Variants in PNPT1 observed in about 807,000 individuals in gnomAD.
PNPT1 encodes the protein polyribonucleotide nucleotidyltransferase 1, also known as polyribonucleotide nucleotidyltransferase 1, mitochondrial.
PNPT1 carries 53 observed loss-of-function variants against 119.5 expected under a neutral mutation model. That is an observed-to-expected ratio of 0.44 (90% CI 0.36 to 0.56). The LOEUF (loss-of-function observed/expected upper bound fraction) is 0.56. Ranked by LOEUF, PNPT1 falls within the 20% of genes least tolerant of loss-of-function variation. PNPT1 has a pLI of 0.00. For synonymous variants in PNPT1, 357 were observed against 322.1 expected (o/e 1.11, Z -1.16); for missense variants, 948 against 938.5 (o/e 1.01, Z -0.13).
chr2:55,687,586 TTTA>T, intron 2 of PNPT1, 56 bp downstream of exon 2: 1 of 1,263,994 alleles, frequency 7.9e-7, no homozygotes, highest in Admixed American at 2.4e-5. Flanking sequence ...TAGTTACACA[TTTA>T]GTATGAGTCT....
rs1340377146 is a variant in PNPT1, at chr2:55,635,072, A to T, written c.*1165T>A. On this transcript the variant is annotated 3_prime_UTR_variant, in exon 28 of 28. Coordinates refer to ENST00000447944, the MANE Select transcript of PNPT1 (RefSeq NM_033109.5). ...GTCCAGTGTATTTTTATAAGATTTT[A>T]AAAAAGATTACACATTCTAAATTAT... The T allele has an allele frequency of 2.0e-5, 3 of 152,126 alleles. No homozygotes were observed. Among genetic ancestry groups the T allele is most frequent in the Non-Finnish European group, 4.4e-5 (3 of 68,034 alleles). 9.4% of individuals were successfully genotyped at this position (152,126 alleles called of 1,614,324 possible).
At chr2:55,690,743 C>T (rs933854951) in intron 1 of PNPT1, among the ~76,000 whole-genome samples, 2 of 151,880 alleles carry the variant, frequency 1.3e-5, no homozygotes, top group African/African-American at 4.8e-5. Context: ...AGTTGGGTTT[C>T]TATTTATTCA....
At position 55,638,844 on chromosome 2, in the gene PNPT1, C is replaced by T. The variant is rs541902226; in HGVS notation, c.2149-1245G>A. Among the ~76,000 whole-genome samples the T allele has an allele frequency of 7.3e-5, 11 of 151,720 alleles. No homozygotes were observed. In the South Asian group the frequency reaches 1.5e-3, roughly 20 times the overall value. ...GGCTGGAGTACAGTAGCATGATATC[C>T]GCTCACTGCAACCTCTTCCTCCCAG... is the stretch of plus-strand genomic sequence containing the variant. On this transcript the variant is annotated intron_variant, in intron 26 of 27. Coordinates refer to ENST00000447944, the MANE Select transcript of PNPT1 (RefSeq NM_033109.5).
intron 11 of PNPT1, among the ~76,000 whole-genome samples, chr2:55,668,307 G>A (rs1696802320): frequency 6.6e-6 from 1 of 152,182 alleles, no homozygotes; most frequent in Admixed American, 6.5e-5. Flanking sequence ...CGCAATCTTG[G>A]CTCACTGCAA....
intron 15 of PNPT1, among the ~76,000 whole-genome samples, chr2:55,659,142 G>A (rs1259414108): frequency 3.3e-5 from 5 of 152,032 alleles, no homozygotes; most frequent in Admixed American, 6.6e-5. Context: ...TTCTTGTAGA[G>A]ACAGGATCTC....
At position 55,661,944 on chromosome 2, in the gene PNPT1, A is replaced by G; in HGVS notation, c.1247+12T>C. ...CATAAAACGTAACAAACATCTTAAA[A>G]ACATAACTTACTTTATAGCTGTTAT... On this transcript the variant is annotated intron_variant, in intron 14 of 27. Transcript: ENST00000447944. 1 of 1,547,880 alleles carries G rather than the reference A, an allele frequency of 6.5e-7. No individual in the cohort carries two copies. The highest frequency in any genetic ancestry group is 2.3e-5 in the East Asian group (1 of 42,938).
chr2:55,692,966 A>G (rs1006917178), intron 1 of PNPT1, among the ~76,000 whole-genome samples: 1 of 149,414 alleles, frequency 6.7e-6, no homozygotes, highest in African/African-American at 2.5e-5. Context: ...TCTCCCTGTC[A>G]CTGTCTCTCT....
intron 18 of PNPT1, among the ~76,000 whole-genome samples, chr2:55,650,318 T>C (rs910923287): frequency 6.6e-6 from 1 of 152,180 alleles, no homozygotes; most frequent in Admixed American, 6.5e-5. Flanking sequence ...GGTTTTCGTA[T>C]TTTTTTGGTG....
In PNPT1 at chr2:55,635,038, T is replaced by G. The variant is rs1163085416; in HGVS notation, c.*1199A>C. On this transcript the variant is annotated 3_prime_UTR_variant, in exon 28 of 28. Coordinates refer to ENST00000447944, the MANE Select transcript of PNPT1 (RefSeq NM_033109.5). Reference sequence around the variant, plus strand: ...CCAAGTAGCTGGGACTACAGGCACGTACCACTGAGTCCAGTGTATTTTTAT... The same window carrying G: ...CCAAGTAGCTGGGACTACAGGCACGGACCACTGAGTCCAGTGTATTTTTAT... The G allele has an allele frequency of 1.3e-5, 2 of 152,210 alleles. No individual in the cohort carries two copies. Among genetic ancestry groups the G allele is most frequent in the African/African-American group, 4.8e-5 (2 of 41,462 alleles). The allele number at this position is 152,210 out of a possible 1,614,324, so 9.4% of individuals were successfully genotyped here.
chr2:55,688,245 G>C (rs1697479057), intron 1 of PNPT1, among the ~76,000 whole-genome samples: 1 of 151,938 alleles, frequency 6.6e-6, no homozygotes, highest in African/African-American at 2.4e-5. Flanking sequence ...TTACTATATT[G>C]TTTAGGCTGG....
chr2:55,679,001 C>A (rs1025837674), intron 8 of PNPT1, among the ~76,000 whole-genome samples: 2 of 152,080 alleles, frequency 1.3e-5, no homozygotes, highest in Non-Finnish European at 2.9e-5. Context: ...TAGAATAAAC[C>A]AACAATAAAA....
intron 4 of PNPT1, 75 bp from the exon 5 acceptor site, chr2:55,683,909 T>C (rs776088062): frequency 8.1e-6 from 11 of 1,366,240 alleles, no homozygotes; most frequent in Admixed American, 3.7e-5. Flanking sequence ...TGAACTAATA[T>C]AGATAGCCAT....
At chr2:55,644,495 A>T (rs888796815) in intron 23 of PNPT1, 142 bp downstream of exon 23, 1 of 505,002 alleles carries the variant, frequency 2.0e-6, no homozygotes, top group African/African-American at 1.9e-5. Context: ...CTCACAGTCA[A>T]GACACGTCAT....
intron 7 of PNPT1, 109 bp from the exon 8 acceptor site, chr2:55,679,904 A>G: frequency 1.3e-6 from 1 of 740,780 alleles, no homozygotes; most frequent in Non-Finnish European, 2.2e-6. Flanking sequence ...ACAGAATAAA[A>G]TCCATGTTTC....
chr2:55,679,935 C>A (rs921513876), intron 7 of PNPT1, 140 bp from the exon 8 acceptor site: 4 of 617,520 alleles, frequency 6.5e-6, no homozygotes, highest in African/African-American at 3.8e-5. Flanking sequence ...TTAAGACCCA[C>A]AGAACATCCT....
chr2:55,678,758 T>G (rs1697159884), intron 8 of PNPT1, among the ~76,000 whole-genome samples: 1 of 152,236 alleles, frequency 6.6e-6, no homozygotes, highest in African/African-American at 2.4e-5. Context: ...GTTTAAGTCT[T>G]GTTTATTTGG....
At position 55,686,443 on chromosome 2, in the gene PNPT1, G is replaced by T; in HGVS notation, c.224C>A (p.Ser75Ter). The T allele has an allele frequency of 1.2e-6, 2 of 1,612,298 alleles. No individual in the cohort carries two copies. Among genetic ancestry groups the T allele is most frequent in the South Asian group, 2.2e-5 (2 of 90,724 alleles). ...RFADGSAVVQ[S>*]GDTAVMVTAV... ...TGTGACCATTACTGCAGTGTCACCT[G>T]ACTTAAACATAAAGAACAACGCTGG... is the stretch of plus-strand genomic sequence containing the variant. The change falls in exon 3 of 28, where the codon TCA becomes TAA. Residue 75 changes from serine to a stop codon, truncating the protein, a stop_gained and splice_region_variant. Coordinates refer to ENST00000447944, the MANE Select transcript of PNPT1 (RefSeq NM_033109.5). LOFTEE classifies it high-confidence loss of function.
At chr2:55,650,549 T>A (rs1696143425) in intron 18 of PNPT1, among the ~76,000 whole-genome samples, 1 of 152,190 alleles carries the variant, frequency 6.6e-6, no homozygotes, top group African/African-American at 2.4e-5. Flanking sequence ...GATTGCAGCC[T>A]CTGCCCGGCC....
chr2:55,645,006 T>C (rs1695941348), intron 22 of PNPT1: 2 of 312,180 alleles, frequency 6.4e-6, no homozygotes, highest in Non-Finnish European at 1.2e-5. Flanking sequence ...ATGTTTATCT[T>C]ACCATGATCA....
Sources: gnomAD v4.1 joint callset for allele counts (sites outside exome capture counted in the v4.1 genomes callset) on GRCh38, gnomAD v4.1.1 for gene constraint, MANE v1.5 for transcripts, NCBI Gene and HGNC (gene_info 2026-07-23, HGNC 2026-07-21) for gene names.